Variants in CSNK2A2 observed in about 807,000 individuals in gnomAD.
The protein encoded by CSNK2A2 is casein kinase II subunit alpha'.
CSNK2A2 carries 8 observed loss-of-function variants against 54.0 expected under a neutral mutation model. The observed-to-expected ratio is 0.15, with a 90% CI of 0.09 to 0.27. CSNK2A2 has a LOEUF of 0.27. Among genes scored for constraint, CSNK2A2 ranks in the 10% least tolerant of loss-of-function variants. CSNK2A2 has a pLI of 1.00. For missense variants in CSNK2A2, 242 were observed against 439.4 expected, an observed-to-expected ratio of 0.55 and a Z score of 4.02; for synonymous variants, 141 against 153.9, an observed-to-expected ratio of 0.92 and a Z score of 0.62.
At chr16:58,190,651 T>A (rs916621303) in intron 2 of CSNK2A2, among the ~76,000 whole-genome samples, 1 of 152,180 alleles carries the variant, frequency 6.6e-6, no homozygotes, top group Non-Finnish European at 1.5e-5. Flanking sequence ...TAAAAAAAAT[T>A]ATTTAAAAAG....
chr16:58,190,137 C>T (rs369653665), intron 2 of CSNK2A2, among the ~76,000 whole-genome samples: 1 of 152,112 alleles, frequency 6.6e-6, no homozygotes, highest in Non-Finnish European at 1.5e-5. Flanking sequence ...AAGAAGTCTC[C>T]GTCTGGGGTT....
intron 6 of CSNK2A2, 141 bp downstream of exon 6, chr16:58,168,469 T>C (rs372494954): frequency 9.8e-6 from 6 of 612,430 alleles, no homozygotes; most frequent in African/African-American, 3.7e-5. Flanking sequence ...AAATCAACAA[T>C]GGAGATGGGA....
intron 4 of CSNK2A2, among the ~76,000 whole-genome samples, chr16:58,182,966 T>C (rs1962096810): frequency 6.6e-6 from 1 of 152,244 alleles, no homozygotes; most frequent in East Asian, 1.9e-4. Context: ...GAAAGTGCTA[T>C]ACTACACATA....
chr16:58,190,068 A>C (rs1248754954), intron 2 of CSNK2A2, among the ~76,000 whole-genome samples: 1 of 152,212 alleles, frequency 6.6e-6, no homozygotes, highest in Admixed American at 6.5e-5. Context: ...CCAGTTACAC[A>C]AAATGGAGAA....
intron 5 of CSNK2A2, among the ~76,000 whole-genome samples, chr16:58,173,190 C>T (rs955860650): frequency 1.3e-5 from 2 of 152,146 alleles, no homozygotes; most frequent in East Asian, 1.9e-4. Flanking sequence ...CATGGAGAAA[C>T]GTGGGATAAA....
chr16:58,174,304 GATGGAGGCCTCAAT>G (rs1961819164), intron 5 of CSNK2A2, 133 bp downstream of exon 5: 6 of 560,158 alleles, frequency 1.1e-5, no homozygotes, highest in Middle Eastern at 4.7e-4. Context: ...AAGATTCCTC[GATGGAGGCCTCAAT>G]ATAAGTTTAA....
intron 2 of CSNK2A2, among the ~76,000 whole-genome samples, chr16:58,192,442 T>C (rs1309354650): frequency 7.2e-6 from 1 of 138,722 alleles, no homozygotes; most frequent in Non-Finnish European, 1.5e-5. Context: ...AGGAACTCTA[T>C]GGGTTAAAAA....
Position 58,197,030 on chromosome 16 carries a change from T to C in CSNK2A2, c.105-186A>G. 1 of 571,348 alleles carries C rather than the reference T, an allele frequency of 1.8e-6. No homozygotes were observed. The highest frequency in any genetic ancestry group is 3.2e-6 in the Non-Finnish European group (1 of 312,710). 35.4% of individuals were successfully genotyped at this position (571,348 alleles called of 1,614,324 possible). On this transcript the variant is annotated intron_variant, in intron 1 of 11. Transcript: ENST00000262506. This position sits in a 1 kb window ranked among gnomAD's most constrained non-coding sequence, Gnocchi z 4.0. ...GGCTCCCTTCACTCTGCAGAGCTCCTAACCTAATTGGTCTCTCCTAACTTG... is the reference window on the plus strand; with the variant it reads ...GGCTCCCTTCACTCTGCAGAGCTCCCAACCTAATTGGTCTCTCCTAACTTG...
Position 58,167,810 on chromosome 16 carries a change from GA to G in CSNK2A2, c.514-16del, listed in dbSNP as rs752856180. The stretch of plus-strand genomic sequence containing the variant: ...ATCAGTCGCAGCTACAAATAGGACA[GA>G]AAAAAACATGTGAAAGGAGTGTTTC... On this transcript the variant is annotated splice_polypyrimidine_tract_variant and intron_variant, in intron 6 of 11. Transcript: ENST00000262506. The G allele has an allele frequency of 4.7e-5, 76 of 1,600,720 alleles. No individual in the cohort carries two copies. The highest frequency in any genetic ancestry group is 6.1e-5 in the Non-Finnish European group (71 of 1,168,132).
chr16:58,165,822 A>G, intron 9 of CSNK2A2, 114 bp from the exon 10 acceptor site: 1 of 1,151,602 alleles, frequency 8.7e-7, no homozygotes, highest in South Asian at 1.7e-5. Flanking sequence ...CAAGCTTGTT[A>G]AATCTCTAAC....
intron 10 of CSNK2A2, 95 bp downstream of exon 10, chr16:58,165,465 A>G: frequency 2.3e-6 from 3 of 1,295,788 alleles, no homozygotes; most frequent in Non-Finnish European, 3.1e-6. Flanking sequence ...CAATCCAAAT[A>G]CCCTAGAATT....
chr16:58,195,699 C>G (rs993526711), intron 2 of CSNK2A2, among the ~76,000 whole-genome samples: 1 of 149,408 alleles, frequency 6.7e-6, no homozygotes, highest in East Asian at 1.9e-4. Flanking sequence ...GCTACACAAT[C>G]AGTTACCAGA....
At chr16:58,165,436 C>A in intron 10 of CSNK2A2, 124 bp downstream of exon 10, 1 of 1,078,366 alleles carries the variant, frequency 9.3e-7, no homozygotes, top group Non-Finnish European at 1.3e-6. Flanking sequence ...ATAAATGAGG[C>A]CAAATTCTAG....
intron 2 of CSNK2A2, chr16:58,192,892 G>T (rs532911068): frequency 1.3e-5 from 2 of 152,370 alleles, no homozygotes; most frequent in African/African-American, 4.8e-5. Flanking sequence ...TTTGTAAAAA[G>T]GGCCTGGGTT....
intron 11 of CSNK2A2, chr16:58,160,531 T>C (rs1961309596): frequency 6.6e-6 from 1 of 152,214 alleles, no homozygotes; most frequent in Admixed American, 6.5e-5. Flanking sequence ...TGGGAGAACC[T>C]AAGTCATTTC....
In CSNK2A2 at chr16:58,197,978, G is replaced by C. The variant is rs1962521373; in HGVS notation, c.-242C>G. On this transcript the variant is annotated 5_prime_UTR_variant, in exon 1 of 12. Coordinates refer to ENST00000262506, the MANE Select transcript of CSNK2A2 (RefSeq NM_001896.4). This position sits in a 1 kb window ranked among gnomAD's most constrained non-coding sequence, Gnocchi z 4.0. ...GGCCGGCGGGGCGGCGGGGCGGGCG[G>C]CGCTCGCGCTCCGCGGCGGTCTCCG... The C allele has an allele frequency of 6.9e-6, 1 of 145,134 alleles. No individual in the cohort carries two copies. The highest frequency in any genetic ancestry group is 2.5e-5 in the African/African-American group (1 of 40,330). The allele number at this position is 145,134 out of a possible 1,614,324, so 9.0% of individuals were successfully genotyped here. A position where few individuals can be genotyped will look rare whatever the true frequency, so the allele number is the denominator to read the frequency against.
Position 58,167,781 on chromosome 16 carries a change from A to G in CSNK2A2, c.528T>C (p.Asp176=). Residue 176 remains aspartate, a synonymous_variant, in exon 7 of 12, where the codon GAT becomes GAC. Coordinates refer to ENST00000262506, the MANE Select transcript of CSNK2A2 (RefSeq NM_001896.4). ...GATGATAGAATTCTGCCAGACCCCA[A>G]TCTATCAGTCGCAGCTACAAATAGG... ...DHQQKKLRLI[D]WGLAEFYHPA... 2 of 1,613,940 alleles carry G rather than the reference A, an allele frequency of 1.2e-6. No individual in the cohort carries two copies. Among genetic ancestry groups the G allele is most frequent in the Non-Finnish European group, 1.7e-6 (2 of 1,179,834 alleles).
Position 58,180,168 on chromosome 16 carries a change from C to A in CSNK2A2, c.369+4092G>T, listed in dbSNP as rs185586009. On this transcript the variant is annotated intron_variant, in intron 4 of 11. Transcript: ENST00000262506. ...AAGAAGAAAACCACTGAAAGCCCAA[C>A]AAAGTTGAAGGAAGAAAGAAGAAAA... 1.4e-4 allele frequency among the ~76,000 whole-genome samples: 21 copies of A among 150,074 alleles called. No homozygotes were observed. In the East Asian group the frequency reaches 4.1e-3, roughly 29 times the overall value.
At chr16:58,176,588 T>A (rs938269361) in intron 4 of CSNK2A2, among the ~76,000 whole-genome samples, 1 of 152,184 alleles carries the variant, frequency 6.6e-6, no homozygotes, top group African/African-American at 2.4e-5. Flanking sequence ...CCGACTTTTG[T>A]AGCTCTGTTC....
Sources: allele counts gnomAD v4.1 joint callset (sites outside exome capture counted in the v4.1 genomes callset), GRCh38; gene constraint gnomAD v4.1.1; non-coding constraint Gnocchi (gnomAD v3.1); transcripts MANE v1.5; gene names NCBI Gene and HGNC (gene_info 2026-07-23, HGNC 2026-07-21).